Variants in ZKSCAN1 observed in about 807,000 individuals in gnomAD.
ZKSCAN1 encodes the protein zinc finger protein with KRAB and SCAN domains 1.
Under a neutral mutation model 51.6 loss-of-function variants are expected in ZKSCAN1, and 14 were observed. That is an observed-to-expected ratio of 0.27 (90% confidence interval 0.18 to 0.42). ZKSCAN1 has a LOEUF of 0.42. Among genes scored for constraint, ZKSCAN1 ranks in the 10% least tolerant of loss-of-function variants. The pLI, the probability that ZKSCAN1 is intolerant of heterozygous loss-of-function variation, is 1.00. For missense variants in ZKSCAN1, 531 were observed against 710.0 expected (o/e 0.75, Z 2.86); for synonymous variants, 263 against 261.5 (o/e 1.01, Z -0.06).
rs1483305301 is a variant in ZKSCAN1 at position 100,036,743 on chromosome 7, T to C, written c.*2546T>C. The C allele has an allele frequency of 1.0e-6, 1 of 982,446 alleles. No homozygotes were observed. The highest frequency in any genetic ancestry group is 1.8e-5 in the African/African-American group (1 of 56,588). The allele number at this position is 982,446 out of a possible 1,614,324, so 60.9% of individuals were successfully genotyped here. On this transcript the variant is annotated 3_prime_UTR_variant, in exon 6 of 6. Coordinates refer to ENST00000324306, the MANE Select transcript of ZKSCAN1 (RefSeq NM_003439.4). The stretch of plus-strand genomic sequence containing the variant: ...AAAAAAAAAAAAGAAAGAAAGAAAC[T>C]GAAAAGTGAGGTGTGGAACTCCAGG...
At position 100,041,322 on chromosome 7, in the gene ZKSCAN1, A is replaced by AT. The variant is rs566578568; in HGVS notation, c.*7135dup. 585 of 935,802 alleles carry AT rather than the reference A, an allele frequency of 6.3e-4. 2 individuals carry two copies. The South Asian group carries it at 6.6e-3, about 11-fold the overall frequency. The allele number at this position is 935,802 out of a possible 1,614,324, so 58.0% of individuals were successfully genotyped here. On this transcript the variant is annotated 3_prime_UTR_variant, in exon 6 of 6. Coordinates refer to ENST00000324306, the MANE Select transcript of ZKSCAN1 (RefSeq NM_003439.4). ...ATGCTTGGTAGATGTTCAATACGTG[A>AT]TTTTTTTTTTAATTGAATGTGTTCA...
chr7:100,045,282 T>A (rs1791689547), downstream of ZKSCAN1, among the ~76,000 whole-genome samples: 1 of 151,552 alleles, frequency 6.6e-6, no homozygotes, highest in African/African-American at 2.4e-5. Context: ...GTGCGGTGGC[T>A]CACGCCTGTA....
At chr7:100,025,651 T>C (rs530247441) in intron 3 of ZKSCAN1, among the ~76,000 whole-genome samples, 2 of 152,332 alleles carry the variant, frequency 1.3e-5, no homozygotes, top group South Asian at 2.1e-4. Flanking sequence ...AGTATACTTA[T>C]ACAAACCTAG....
At chr7:100,024,651 G>A in intron 3 of ZKSCAN1, 1 of 191,550 alleles carries the variant, frequency 5.2e-6, no homozygotes, top group South Asian at 8.7e-5. Flanking sequence ...TGTAATCCCA[G>A]CACTTTGGGA....
At chr7:100,030,483 C>G in intron 5 of ZKSCAN1, 108 bp downstream of exon 5, 1 of 1,340,114 alleles carries the variant, frequency 7.5e-7, no homozygotes. Context: ...TAGAGACTAC[C>G]TATCCCCTTT....
rs1357382175 is a variant in ZKSCAN1, at chr7:100,041,107, C to T, written c.*6910C>T. 1.2e-6 allele frequency: 1 copy of T among 859,804 alleles called. No individual in the cohort carries two copies. Among genetic ancestry groups the T allele is most frequent in the African/African-American group, 1.8e-5 (1 of 54,626 alleles). 53.3% of individuals were successfully genotyped at this position (859,804 alleles called of 1,614,324 possible). On this transcript the variant is annotated 3_prime_UTR_variant, in exon 6 of 6. Coordinates refer to ENST00000324306, the MANE Select transcript of ZKSCAN1 (RefSeq NM_003439.4). The stretch of plus-strand genomic sequence containing the variant: ...AGCCTAAATCTATATAGAGGGCTAA[C>T]TCAGGCATTGTCTTGTTTATTTGTA...
intron 3 of ZKSCAN1, among the ~76,000 whole-genome samples, chr7:100,026,835 C>T (rs1790857339): frequency 6.6e-6 from 1 of 151,990 alleles, no homozygotes; most frequent in Non-Finnish European, 1.5e-5. Context: ...AATAACATAA[C>T]TCAAAAGACA....
downstream of ZKSCAN1, among the ~76,000 whole-genome samples, chr7:100,042,994 G>T (rs1004781698): frequency 4.6e-5 from 7 of 152,036 alleles, no homozygotes; most frequent in African/African-American, 1.7e-4. Context: ...TAGAGACGGG[G>T]TTTCATAGTG....
intron 2 of ZKSCAN1, 87 bp from the exon 3 acceptor site, chr7:100,024,067 C>G: frequency 6.5e-7 from 1 of 1,529,706 alleles, no homozygotes; most frequent in Non-Finnish European, 8.8e-7. Context: ...TTCCTGCATC[C>G]ACTGGCATAC....
downstream of ZKSCAN1, among the ~76,000 whole-genome samples, chr7:100,042,974 T>A (rs1175760951): frequency 6.6e-6 from 1 of 152,040 alleles, no homozygotes; most frequent in Non-Finnish European, 1.5e-5. Flanking sequence ...ACTTTTTTTG[T>A]ATGTTTTAGT....
chr7:100,037,608 T>A lies in ZKSCAN1; in HGVS notation c.*3411T>A. ...CGGAAAGCTTATACTGTAAATAAAC[T>A]TGATGAATATTATATGTGAGGAAAA... On this transcript the variant is annotated 3_prime_UTR_variant, in exon 6 of 6. Coordinates refer to ENST00000324306, the MANE Select transcript of ZKSCAN1 (RefSeq NM_003439.4). 1 of 985,446 alleles carries A rather than the reference T, an allele frequency of 1.0e-6. No individual in the cohort carries two copies. The highest frequency in any genetic ancestry group is 1.2e-6 in the Non-Finnish European group (1 of 829,934). The allele number at this position is 985,446 out of a possible 1,614,324, so 61.0% of individuals were successfully genotyped here. A position where few individuals can be genotyped will look rare whatever the true frequency, so the allele number is the denominator to read the frequency against.
In ZKSCAN1 at chr7:100,041,396, T is replaced by C. The variant is rs1480564392; in HGVS notation, c.*7199T>C. 1.0e-5 allele frequency: 10 copies of C among 985,158 alleles called. No homozygotes were observed. The highest frequency in any genetic ancestry group is 1.2e-5 in the Non-Finnish European group (10 of 829,818). The allele number at this position is 985,158 out of a possible 1,614,324, so 61.0% of individuals were successfully genotyped here. On this transcript the variant is annotated 3_prime_UTR_variant, in exon 6 of 6. Transcript: ENST00000324306. ...TAGAAAGACTTCTTTCAATAAATAATGGAATCTTAGAGGAAAAGTGGTTTT... is the reference window on the plus strand; with the variant it reads ...TAGAAAGACTTCTTTCAATAAATAACGGAATCTTAGAGGAAAAGTGGTTTT...
Position 100,041,222 on chromosome 7 carries a change from T to C in ZKSCAN1, c.*7025T>C, listed in dbSNP as rs2116003700. On this transcript the variant is annotated 3_prime_UTR_variant, in exon 6 of 6. Transcript: ENST00000324306. Reference sequence around the variant, plus strand: ...GACCAAAAGAAGAAACGTGCTTGTCTCTGTATACCCGCAGAATGAAGTTAC... The same window carrying C: ...GACCAAAAGAAGAAACGTGCTTGTCCCTGTATACCCGCAGAATGAAGTTAC... The C allele has an allele frequency of 1.2e-6, 1 of 800,976 alleles. No individual in the cohort carries two copies. Among genetic ancestry groups the C allele is most frequent in the African/African-American group, 1.9e-5 (1 of 53,630 alleles). 49.6% of individuals were successfully genotyped at this position (800,976 alleles called of 1,614,324 possible). A position where few individuals can be genotyped will look rare whatever the true frequency, so the allele number is the denominator to read the frequency against.
chr7:100,025,621 T>G (rs1356709270), intron 3 of ZKSCAN1, among the ~76,000 whole-genome samples: 1 of 152,226 alleles, frequency 6.6e-6, no homozygotes, highest in Non-Finnish European at 1.5e-5. Flanking sequence ...TTAAGTGATT[T>G]TGTTGTGCGA....
At chr7:100,016,836 A>G (rs1790386262) in intron 1 of ZKSCAN1, 1 of 152,274 alleles carries the variant, frequency 6.6e-6, no homozygotes, top group East Asian at 1.9e-4. Context: ...TAACCACATC[A>G]GCAAAGCACT....
At chr7:100,028,318 A>G (rs933229054) in intron 3 of ZKSCAN1, among the ~76,000 whole-genome samples, 5 of 151,838 alleles carry the variant, frequency 3.3e-5, no homozygotes, top group Admixed American at 3.3e-4. Flanking sequence ...CGCCATGCAC[A>G]CCAGCCTGGG....
chr7:100,024,963 C>T (rs1445819568), intron 3 of ZKSCAN1: 1 of 147,086 alleles, frequency 6.8e-6, no homozygotes, highest in Non-Finnish European at 1.5e-5. Flanking sequence ...AAGCTGCATG[C>T]TTGTTTTTTG....
chr7:100,016,139 C>A (rs1182433411), intron 1 of ZKSCAN1, among the ~76,000 whole-genome samples: 1 of 152,156 alleles, frequency 6.6e-6, no homozygotes, highest in Non-Finnish European at 1.5e-5. Context: ...CTTTTTCCCC[C>A]CCCGGTTCCT....
chr7:100,037,273 G>C lies in ZKSCAN1; in HGVS notation c.*3076G>C, dbSNP rs1022118188. On this transcript the variant is annotated 3_prime_UTR_variant, in exon 6 of 6. Transcript: ENST00000324306. ...GCTAGTTGTCCTAATGGAAATTTTT[G>C]AAGAGTTTTTCAATATATACCCTAC... 1 of 985,290 alleles carries C rather than the reference G, an allele frequency of 1.0e-6. No individual in the cohort carries two copies. The highest frequency in any genetic ancestry group is 6.2e-5 in the Admixed American group (1 of 16,258). The allele number at this position is 985,290 out of a possible 1,614,324, so 61.0% of individuals were successfully genotyped here.
Sources: gnomAD v4.1 joint callset for allele counts (sites outside exome capture counted in the v4.1 genomes callset) on GRCh38, gnomAD v4.1.1 for gene constraint, MANE v1.5 for transcripts, NCBI Gene and HGNC (gene_info 2026-07-23, HGNC 2026-07-21) for gene names.